NT5DC1: variants seen among roughly 807,000 people sequenced by gnomAD.
The protein encoded by NT5DC1 is 5'-nucleotidase domain-containing protein 1.
NT5DC1 carries 42 observed loss-of-function variants against 59.4 expected under a neutral mutation model. The ratio of observed to expected loss-of-function variants is 0.71; its 90% CI spans 0.55 to 0.92. The LOEUF (loss-of-function observed/expected upper bound fraction) is 0.92, where lower values mean the gene tolerates loss of function less well. NT5DC1 is among the 40% of genes least tolerant of loss of function. NT5DC1 has a pLI of 0.00. For missense variants in NT5DC1, 501 were observed against 537.1 expected (o/e 0.93, Z 0.66); for synonymous variants, 172 against 188.1 (o/e 0.91, Z 0.70).
intron 6 of NT5DC1, chr6:116,121,407 T>G (rs746777649): frequency 6.2e-7 from 1 of 1,614,000 alleles, no homozygotes; most frequent in Non-Finnish European, 8.5e-7. Flanking sequence ...GGAAAACCTC[T>G]ATCACCTTTG....
intron 6 of NT5DC1, among the ~76,000 whole-genome samples, chr6:116,175,291 G>GT (rs1166218632): frequency 6.6e-6 from 1 of 152,060 alleles, no homozygotes; most frequent in Non-Finnish European, 1.5e-5. Context: ...CTATAGGTTA[G>GT]TTTTAGAAAG....
chr6:116,246,658 C>G lies in NT5DC1; in HGVS notation c.*2634C>G, dbSNP rs1032801755. 2.0e-5 allele frequency: 3 copies of G among 152,096 alleles called. No homozygotes were observed. Among genetic ancestry groups the G allele is most frequent in the Admixed American group, 2.0e-4 (3 of 15,268 alleles). 9.4% of individuals were successfully genotyped at this position (152,096 alleles called of 1,614,324 possible). On this transcript the variant is annotated 3_prime_UTR_variant, in exon 12 of 12. Coordinates refer to ENST00000319550, the MANE Select transcript of NT5DC1 (RefSeq NM_152729.3). ...AAATCTTCAGTGTTGGAGTAACAGT[C>G]CCTTACATCTTTTCAGCCTCTTGAG...
At chr6:116,167,350 C>G (rs966925788) in intron 6 of NT5DC1, among the ~76,000 whole-genome samples, 1 of 151,448 alleles carries the variant, frequency 6.6e-6, no homozygotes, top group Non-Finnish European at 1.5e-5. Context: ...GTAATTGGGA[C>G]TACAGGCATG....
chr6:116,231,000 A>T (rs1478886316), intron 8 of NT5DC1, among the ~76,000 whole-genome samples: 2 of 151,452 alleles, frequency 1.3e-5, no homozygotes, highest in African/African-American at 2.4e-5. Flanking sequence ...CCAGCTACTC[A>T]GAGGCTGAGG....
At chr6:116,239,676 T>C (rs997822915) in intron 11 of NT5DC1, among the ~76,000 whole-genome samples, 3 of 152,204 alleles carry the variant, frequency 2.0e-5, no homozygotes, top group Non-Finnish European at 2.9e-5. Flanking sequence ...TAAAATTGGA[T>C]TGAGGAGATT....
chr6:116,215,003 C>T (rs568340773), intron 6 of NT5DC1, among the ~76,000 whole-genome samples: 26 of 152,164 alleles, frequency 1.7e-4, no homozygotes, highest in Admixed American at 1.7e-3. Flanking sequence ...TTGTTAACAT[C>T]ATCATTCTCT....
In NT5DC1 at chr6:116,129,909, G is replaced by A. The variant is rs560016824; in HGVS notation, c.529+11964G>A. ...AGTTTTCATCTGATTTCAGGTTTGA[G>A]ATACACACATTCACTCACACACAGA... is the stretch of plus-strand genomic sequence containing the variant. On this transcript the variant is annotated intron_variant, in intron 6 of 11. Coordinates refer to ENST00000319550, the MANE Select transcript of NT5DC1 (RefSeq NM_152729.3). 1.2e-3 allele frequency among the ~76,000 whole-genome samples: 185 copies of A among 152,052 alleles called. 1 individual carries two copies. The South Asian group carries it at 0.037, about 30-fold the overall frequency.
chr6:116,158,736 A>T (rs1270686165), intron 6 of NT5DC1: 6 of 152,116 alleles, frequency 3.9e-5, no homozygotes, highest in African/African-American at 7.2e-5. Context: ...TGATCCCAGG[A>T]GGGGTAAAAA....
At chr6:116,121,991 T>C (rs186190655) in intron 6 of NT5DC1, 2 of 1,577,878 alleles carry the variant, frequency 1.3e-6, no homozygotes, top group South Asian at 2.2e-5. Flanking sequence ...CACCCACCCA[T>C]AGAAGGGGAT....
chr6:116,146,272 C>T (rs1423656601), intron 6 of NT5DC1, among the ~76,000 whole-genome samples: 1 of 152,192 alleles, frequency 6.6e-6, no homozygotes, highest in East Asian at 1.9e-4. Context: ...CAAAAGTTAT[C>T]TAGGCTTCAG....
chr6:116,190,986 ATTTT>A (rs1408336845), intron 6 of NT5DC1, among the ~76,000 whole-genome samples: 5 of 151,950 alleles, frequency 3.3e-5, no homozygotes, highest in African/African-American at 1.2e-4. Flanking sequence ...CCAGCTCTTT[ATTTT>A]AAGTGAGGAA....
rs555271533 is a variant in NT5DC1 at position 116,210,781 on chromosome 6, A to G, written c.530-10273A>G. Among the ~76,000 whole-genome samples, 5 of 152,214 alleles carry G rather than the reference A, an allele frequency of 3.3e-5. No homozygotes were observed. The South Asian group carries it at 1.0e-3, about 32-fold the overall frequency. On this transcript the variant is annotated intron_variant, in intron 6 of 11. Transcript: ENST00000319550. ...TAATGCCATAGGAAATTCCTCAGAT[A>G]CAATGCTGAACAGAAACACAGGTAA...
chr6:116,130,754 G>C (rs1402194157), intron 6 of NT5DC1, among the ~76,000 whole-genome samples: 3 of 152,016 alleles, frequency 2.0e-5, no homozygotes, highest in Non-Finnish European at 4.4e-5. Flanking sequence ...TCTTGTATCT[G>C]TAGCTGCTTG....
At chr6:116,199,775 A>G (rs1024601610) in intron 6 of NT5DC1, among the ~76,000 whole-genome samples, 1 of 152,094 alleles carries the variant, frequency 6.6e-6, no homozygotes, top group African/African-American at 2.4e-5. Context: ...TAAATAAAGT[A>G]GTATGGAATT....
Position 116,120,899 on chromosome 6 carries a change from G to C in NT5DC1, c.529+2954G>C, listed in dbSNP as rs201088230. The C allele has an allele frequency of 3.0e-5, 49 of 1,613,716 alleles. No homozygotes were observed. The highest frequency in any genetic ancestry group is 3.7e-5 in the Non-Finnish European group (44 of 1,179,910). On this transcript the variant is annotated intron_variant, in intron 6 of 11. Transcript: ENST00000319550. ...AACTCCAGGATCACCTTTTGGACCTGGTAACCCTGGGTTACCCTTAGGACC... is the reference window on the plus strand; with the variant it reads ...AACTCCAGGATCACCTTTTGGACCTCGTAACCCTGGGTTACCCTTAGGACC...
chr6:116,182,301 G>A (rs1240247129), intron 6 of NT5DC1, among the ~76,000 whole-genome samples: 3 of 151,044 alleles, frequency 2.0e-5, no homozygotes, highest in Admixed American at 2.0e-4. Context: ...ATGAACATTT[G>A]GGCTGGTTCC....
Position 116,199,996 on chromosome 6 carries a change from A to AGG in NT5DC1, c.530-21058_530-21057insGG, listed in dbSNP as rs1562161604. On this transcript the variant is annotated intron_variant, in intron 6 of 11. Coordinates refer to ENST00000319550, the MANE Select transcript of NT5DC1 (RefSeq NM_152729.3). Reference sequence around the variant, plus strand: ...TTCCTTACAAAGAGTACAGTATGGAAAGTGGGGGGGGAAGAGTAACTTTGC... The same window carrying AGG: ...TTCCTTACAAAGAGTACAGTATGGAAGGAGTGGGGGGGGAAGAGTAACTTTGC... 4.0e-4 allele frequency among the ~76,000 whole-genome samples: 39 copies of AGG among 98,100 alleles called. 1 individual carries two copies. Among genetic ancestry groups the AGG allele is most frequent in the African/African-American group, 1.9e-3 (39 of 20,428 alleles). 64.4% of individuals were successfully genotyped at this position (98,100 alleles called of 152,430 possible). A position where few individuals can be genotyped will look rare whatever the true frequency, so the allele number is the denominator to read the frequency against.
At chr6:116,189,212 A>T (rs1781067846) in intron 6 of NT5DC1, among the ~76,000 whole-genome samples, 1 of 151,800 alleles carries the variant, frequency 6.6e-6, no homozygotes, top group African/African-American at 2.4e-5. Flanking sequence ...ACAAATTGTA[A>T]TAAAAGTTTT....
intron 6 of NT5DC1, among the ~76,000 whole-genome samples, chr6:116,183,289 G>T (rs943266235): frequency 5.9e-5 from 9 of 152,030 alleles, no homozygotes; most frequent in African/African-American, 9.7e-5. Flanking sequence ...TTATAGTATA[G>T]TTCAAAGTTG....
Sources: allele counts gnomAD v4.1 joint callset (sites outside exome capture counted in the v4.1 genomes callset), GRCh38; gene constraint gnomAD v4.1.1; transcripts MANE v1.5; gene names NCBI Gene and HGNC (gene_info 2026-07-23, HGNC 2026-07-21).